The following IKZF3 variants were observed in gnomAD, a reference collection of about 807,000 sequenced individuals.
IKZF3 encodes the protein zinc finger protein Aiolos.
Under a neutral mutation model 49.0 loss-of-function variants are expected in IKZF3, and 10 were observed. The observed-to-expected ratio is 0.20, with a 90% CI of 0.13 to 0.35. The LOEUF (loss-of-function observed/expected upper bound fraction) is 0.35, where lower values mean the gene tolerates loss of function less well. Among genes scored for constraint, IKZF3 ranks in the 10% least tolerant of loss-of-function variants. IKZF3 has a pLI of 1.00. For synonymous variants in IKZF3, 209 were observed against 228.2 expected (o/e 0.92, Z 0.76); for missense variants, 498 against 664.8 (o/e 0.75, Z 2.76).
chr17:39,857,583 A>G (rs970091668), intron 1 of IKZF3, among the ~76,000 whole-genome samples: 22 of 152,208 alleles, frequency 1.4e-4, no homozygotes, highest in African/African-American at 5.1e-4. Context: ...GTATTCACGC[A>G]TTGGATTTAG....
At chr17:39,854,204 A>G (rs1008962620) in intron 1 of IKZF3, among the ~76,000 whole-genome samples, 2 of 152,184 alleles carry the variant, frequency 1.3e-5, no homozygotes, top group Non-Finnish European at 2.9e-5. Context: ...TTCAAAATGT[A>G]AATGCACCAG....
chr17:39,861,186 T>A (rs2063206074), intron 1 of IKZF3, among the ~76,000 whole-genome samples: 1 of 152,172 alleles, frequency 6.6e-6, no homozygotes, highest in African/African-American at 2.4e-5. Flanking sequence ...CTCCAGAAGC[T>A]TAAAGACCAG....
chr17:39,832,325 A>C (rs2062132906), intron 1 of IKZF3, among the ~76,000 whole-genome samples, 174 bp from the exon 2 acceptor site: 1 of 152,122 alleles, frequency 6.6e-6, no homozygotes, highest in Non-Finnish European at 1.5e-5. Context: ...GGAGCATGAA[A>C]AAAAAATATT....
chr17:39,816,774 G>A (rs1419452345), intron 3 of IKZF3, among the ~76,000 whole-genome samples: 4 of 152,188 alleles, frequency 2.6e-5, no homozygotes, highest in Non-Finnish European at 5.9e-5. Context: ...GCTTGAGCAC[G>A]ATCTCAGCTC....
Position 39,792,817 on chromosome 17 carries a change from T to G in IKZF3, c.280A>C (p.Asn94His). The part of the protein sequence containing the change: ...EIPYSYSREY[N>H]EYENIKLERH... ...TCCAACTTAATGTTTTCATATTCAT[T>G]ATATTCTCTTGAATAGCTGTAAGGG... The change falls in exon 4 of 8, where the codon AAT (asparagine) becomes CAT (histidine). Residue 94 changes from asparagine (N) to histidine (H), a missense_variant. Coordinates refer to ENST00000346872, the MANE Select transcript of IKZF3 (RefSeq NM_012481.5). The G allele has an allele frequency of 6.2e-7, 1 of 1,614,184 alleles. No homozygotes were observed. Among genetic ancestry groups the G allele is most frequent in the South Asian group, 1.1e-5 (1 of 91,088 alleles).
chr17:39,821,868 G>C (rs2061818961), intron 3 of IKZF3, among the ~76,000 whole-genome samples: 1 of 152,186 alleles, frequency 6.6e-6, no homozygotes, highest in Admixed American at 6.5e-5. Flanking sequence ...AGTACCATCA[G>C]CTTCCTAAAG....
At chr17:39,820,523 C>T (rs2061782652) in intron 3 of IKZF3, among the ~76,000 whole-genome samples, 1 of 152,114 alleles carries the variant, frequency 6.6e-6, no homozygotes, top group African/African-American at 2.4e-5. Context: ...AATACAAAAA[C>T]ATATTTGGTC....
chr17:39,822,453 T>C (rs2061835654), intron 3 of IKZF3, among the ~76,000 whole-genome samples: 1 of 152,190 alleles, frequency 6.6e-6, no homozygotes, highest in African/African-American at 2.4e-5. Context: ...CTCTCTCTTC[T>C]GCCACCCTGT....
intron 7 of IKZF3, among the ~76,000 whole-genome samples, chr17:39,769,878 A>G (rs1033270759): frequency 7.2e-5 from 11 of 152,238 alleles, no homozygotes; most frequent in Non-Finnish European, 1.5e-4. Flanking sequence ...AGCATATGTC[A>G]GAAAACAGCT....
intron 5 of IKZF3, 53 bp from the exon 6 acceptor site, chr17:39,788,427 T>G (rs2060925916): frequency 8.9e-7 from 1 of 1,129,108 alleles, no homozygotes. Flanking sequence ...TCCACACAGG[T>G]CAGGTATTGG....
intron 3 of IKZF3, among the ~76,000 whole-genome samples, chr17:39,818,675 T>C (rs979893919): frequency 6.6e-6 from 1 of 152,054 alleles, no homozygotes; most frequent in Non-Finnish European, 1.5e-5. Flanking sequence ...CTAGTAGAGA[T>C]GGTAAAACCC....
chr17:39,864,202 C>A lies in IKZF3; in HGVS notation c.-76G>T. 6.5e-7 allele frequency: 1 copy of A among 1,532,396 alleles called. No individual in the cohort carries two copies. The highest frequency in any genetic ancestry group is 1.2e-5 in the South Asian group (1 of 84,904). 94.9% of individuals were successfully genotyped at this position (1,532,396 alleles called of 1,614,324 possible). ...ACGTGCTCCTGCCGTCGCCTGGACT[C>A]AGCGCGCAGCTGGCGGGAGATTCCC... On this transcript the variant is annotated 5_prime_UTR_variant, in exon 1 of 8. Coordinates refer to ENST00000346872, the MANE Select transcript of IKZF3 (RefSeq NM_012481.5).
Position 39,765,702 on chromosome 17 carries a change from G to C in IKZF3, c.*88C>G, listed in dbSNP as rs963744226. 2.0e-6 allele frequency: 2 copies of C among 997,152 alleles called. No individual in the cohort carries two copies. Among genetic ancestry groups the C allele is most frequent in the Non-Finnish European group, 1.5e-6 (1 of 664,166 alleles). The allele number at this position is 997,152 out of a possible 1,614,324, so 61.8% of individuals were successfully genotyped here. On this transcript the variant is annotated 3_prime_UTR_variant, in exon 8 of 8. Transcript: ENST00000346872. ...GGTATGAAAAGAAGTTTGGAACTGA[G>C]TATGTTTTGAGAGCAATCTGTTAGG...
intron 1 of IKZF3, among the ~76,000 whole-genome samples, chr17:39,850,921 CATATATTATATATACGTGT>C (rs1240116128): frequency 1.6e-5 from 2 of 123,722 alleles, no homozygotes; most frequent in African/African-American, 6.6e-5. Flanking sequence ...ATTATATATA[CATATATTATATATACGTGT>C]ATATATTATA....
At chr17:39,796,194 T>A (rs1405729016) in intron 3 of IKZF3, among the ~76,000 whole-genome samples, 2 of 152,200 alleles carry the variant, frequency 1.3e-5, no homozygotes, top group Non-Finnish European at 2.9e-5. Flanking sequence ...TCCCATTCCC[T>A]GGAAGACTTA....
At chr17:39,853,858 G>C (rs987190293) in intron 1 of IKZF3, among the ~76,000 whole-genome samples, 2 of 150,946 alleles carry the variant, frequency 1.3e-5, no homozygotes, top group African/African-American at 4.9e-5. Context: ...GGAAGAACAC[G>C]GTGGCTCACG....
Position 39,777,763 on chromosome 17 carries a change from A to C in IKZF3, c.714T>G (p.Ser238Arg). The change falls in exon 7 of 8, where the codon AGT becomes AGG. Residue 238 changes from serine (S) to arginine (R), a missense_variant. Physicochemically the swap from Ser to Arg is moderately radical, Grantham distance 110. This residue lies in a region of IKZF3 where 317 missense variants were observed against 397.3 expected (regional missense o/e 0.80). Coordinates refer to ENST00000346872, the MANE Select transcript of IKZF3 (RefSeq NM_012481.5). ...LQSTDPGDTA[S>R]AEARHIKAEM... Reference sequence around the variant, plus strand: ...CTGCTTTGATGTGTCTTGCCTCCGCACTTGCTAGTTTGGAAAAATGTAAAA... The same window carrying C: ...CTGCTTTGATGTGTCTTGCCTCCGCCCTTGCTAGTTTGGAAAAATGTAAAA... 6.2e-7 allele frequency: 1 copy of C among 1,612,270 alleles called. No individual in the cohort carries two copies. Among genetic ancestry groups the C allele is most frequent in the Non-Finnish European group, 8.5e-7 (1 of 1,179,264 alleles).
At chr17:39,781,463 A>G (rs887001138) in intron 6 of IKZF3, among the ~76,000 whole-genome samples, 4 of 152,128 alleles carry the variant, frequency 2.6e-5, no homozygotes, top group Non-Finnish European at 4.4e-5. Context: ...AGAATGAAAA[A>G]CAGTATTCTG....
intron 1 of IKZF3, among the ~76,000 whole-genome samples, chr17:39,861,265 G>A (rs759357098): frequency 1.3e-5 from 2 of 152,158 alleles, no homozygotes; most frequent in Non-Finnish European, 2.9e-5. Flanking sequence ...ACAGAAAGGA[G>A]AGGCCCTTAG....
Sources: allele counts gnomAD v4.1 joint callset (sites outside exome capture counted in the v4.1 genomes callset), GRCh38; gene constraint gnomAD v4.1.1; regional missense constraint gnomAD v4.1.1; transcripts MANE v1.5; gene names NCBI Gene and HGNC (gene_info 2026-07-23, HGNC 2026-07-21).